The following KMT2C variants were observed in gnomAD, a reference collection of about 807,000 sequenced individuals.
KMT2C encodes histone-lysine N-methyltransferase 2C.
In KMT2C, 88 loss-of-function variants were observed where a neutral mutation model predicts 507.9. The ratio of observed to expected loss-of-function variants is 0.17; its 90% CI spans 0.15 to 0.21. KMT2C has a LOEUF of 0.21. KMT2C is among the 10% of genes least tolerant of loss of function. The pLI, the probability that KMT2C is intolerant of heterozygous loss-of-function variation, is 1.00. For synonymous variants in KMT2C, 2,049 were observed against 2,080.8 expected (o/e 0.98, Z 0.42); for missense variants, 4,954 against 5,957.8 (o/e 0.83, Z 5.55).
At chr7:152,388,102 A>T (rs571242534) in intron 1 of KMT2C, among the ~76,000 whole-genome samples, 2 of 148,268 alleles carry the variant, frequency 1.3e-5, no homozygotes, top group Admixed American at 1.3e-4. Context: ...TCTTCAAAAA[A>T]AAAAAATAAA....
At chr7:152,156,819 T>C (rs544181598) in intron 44 of KMT2C, among the ~76,000 whole-genome samples, 11 of 152,200 alleles carry the variant, frequency 7.2e-5, no homozygotes, top group African/African-American at 2.4e-4. Context: ...AGAATCTGGA[T>C]TGACTAAGAC....
chr7:152,268,294 A>G (rs1456191074), intron 7 of KMT2C, among the ~76,000 whole-genome samples: 3 of 152,086 alleles, frequency 2.0e-5, no homozygotes, highest in Non-Finnish European at 4.4e-5. Flanking sequence ...AAAACTCTGC[A>G]CATTATTTCC....
intron 6 of KMT2C, among the ~76,000 whole-genome samples, chr7:152,297,055 C>CAGAGAGAGAGAGAGAGAG (rs769381866): frequency 2.3e-4 from 19 of 84,402 alleles, no homozygotes; most frequent in South Asian, 4.5e-4. Flanking sequence ...GAAAGAAAGA[C>CAGAGAGAGAGAGAGAGAG]AGAGAGAGAG....
chr7:152,409,865 C>A (rs1368548435), intron 1 of KMT2C, among the ~76,000 whole-genome samples: 1 of 151,946 alleles, frequency 6.6e-6, no homozygotes, highest in Non-Finnish European at 1.5e-5. Flanking sequence ...ACCCCTCAAA[C>A]TTGCAATGCT....
chr7:152,280,299 T>G (rs1213216503), intron 6 of KMT2C, among the ~76,000 whole-genome samples: 1 of 151,990 alleles, frequency 6.6e-6, no homozygotes, highest in African/African-American at 2.4e-5. Flanking sequence ...TCCCAGCACT[T>G]TGGAAGGCCA....
chr7:152,186,966 A>G (rs1365769056), intron 33 of KMT2C, among the ~76,000 whole-genome samples: 1 of 152,208 alleles, frequency 6.6e-6, no homozygotes, highest in African/African-American at 2.4e-5. Context: ...TTTGGGTTCT[A>G]GAAATTTTTT....
chr7:152,367,328 C>T (rs1246430591), intron 1 of KMT2C: 15 of 902,490 alleles, frequency 1.7e-5, no homozygotes, highest in African/African-American at 3.3e-5. Context: ...CCTGCACCTT[C>T]GCAGAAGCCC....
At chr7:152,332,649 C>G (rs2096894621) in intron 2 of KMT2C, among the ~76,000 whole-genome samples, 1 of 152,090 alleles carries the variant, frequency 6.6e-6, no homozygotes, top group African/African-American at 2.4e-5. Flanking sequence ...AGTTCGAGAC[C>G]AGCCTGACCA....
rs372453186 is a variant in KMT2C, at chr7:152,199,315, T to A, written c.4237A>T (p.Ser1413Cys). 6 of 1,599,616 alleles carry A rather than the reference T, an allele frequency of 3.8e-6. No individual in the cohort carries two copies. The African/African-American group carries it at 5.4e-5, about 14-fold the overall frequency. ...GATTTTGTTGGAGCCGAGGATGAACTAAGTAGTGGATCTAAGGAAGGATCC... is the reference window on the plus strand; with the variant it reads ...GATTTTGTTGGAGCCGAGGATGAACAAAGTAGTGGATCTAAGGAAGGATCC... The part of the protein sequence containing the change: ...FLDPSLDPLL[S>C]SSSAPTKSGT... The change falls in exon 27 of 59, where the codon AGT becomes TGT. Residue 1413 changes from serine to cysteine, a missense_variant. Physicochemically the swap from Ser to Cys is moderately radical, Grantham distance 112. This residue lies in a region of KMT2C where 140 missense variants were observed against 118.4 expected (regional missense o/e 1.18). Transcript: ENST00000262189.
chr7:152,188,308 G>A (rs1315563944), intron 31 of KMT2C, among the ~76,000 whole-genome samples: 1 of 152,042 alleles, frequency 6.6e-6, no homozygotes, highest in Non-Finnish European at 1.5e-5. Flanking sequence ...AAAGCCCAGG[G>A]TGTGAACCTC....
chr7:152,266,609 T>A, intron 7 of KMT2C, among the ~76,000 whole-genome samples: 1 of 152,294 alleles, frequency 6.6e-6, no homozygotes. Context: ...GTTCTTTCTT[T>A]TCCAGTCAAG....
intron 2 of KMT2C, among the ~76,000 whole-genome samples, chr7:152,343,880 T>C (rs1252167524): frequency 6.6e-6 from 1 of 152,120 alleles, no homozygotes; most frequent in Non-Finnish European, 1.5e-5. Context: ...ATGACCTACC[T>C]TGCAAGAAAT....
intron 6 of KMT2C, among the ~76,000 whole-genome samples, chr7:152,278,490 A>G (rs1420565087): frequency 2.6e-5 from 4 of 152,272 alleles, no homozygotes; most frequent in African/African-American, 9.6e-5. Context: ...AGCAGATGCC[A>G]GCACCACACT....
chr7:152,359,174 G>A (rs898989701), intron 1 of KMT2C, among the ~76,000 whole-genome samples: 3 of 150,568 alleles, frequency 2.0e-5, no homozygotes, highest in African/African-American at 2.4e-5. Flanking sequence ...AATTAAGCAC[G>A]ATTATAATCA....
At chr7:152,257,165 T>C (rs921979426) in intron 9 of KMT2C, among the ~76,000 whole-genome samples, 1 of 152,206 alleles carries the variant, frequency 6.6e-6, no homozygotes, top group Non-Finnish European at 1.5e-5. Flanking sequence ...TGGAGTGCTA[T>C]GCAGCTGTTT....
At chr7:152,358,382 A>G (rs144467641) in intron 2 of KMT2C, among the ~76,000 whole-genome samples, 6 of 152,306 alleles carry the variant, frequency 3.9e-5, no homozygotes, top group African/African-American at 1.2e-4. Flanking sequence ...ATTATACTAA[A>G]CCAGGGCTTA....
Position 152,183,016 on chromosome 7 carries a change from C to T in KMT2C, c.5223G>A (p.Lys1741=), listed in dbSNP as rs2093484376. 1 of 1,608,904 alleles carries T rather than the reference C, an allele frequency of 6.2e-7. No homozygotes were observed. Among genetic ancestry groups the T allele is most frequent in the Non-Finnish European group, 8.5e-7 (1 of 1,178,552 alleles). ...IDSELFKDPL[K]QRESEHEQEW... ...CCTGTTCATGTTCTGATTCTCTTTGCTTTAAAGGATCTTTAAAAAGCTCCG... is the reference window on the plus strand; with the variant it reads ...CCTGTTCATGTTCTGATTCTCTTTGTTTTAAAGGATCTTTAAAAAGCTCCG... Residue 1741 remains lysine, a synonymous_variant, in exon 35 of 59, where the codon AAG becomes AAA. Transcript: ENST00000262189.
In KMT2C at chr7:152,154,320, G is replaced by A. The variant is rs2129098706; in HGVS notation, c.12086C>T (p.Pro4029Leu). 1 of 1,614,158 alleles carries A rather than the reference G, an allele frequency of 6.2e-7. No homozygotes were observed. Among genetic ancestry groups the A allele is most frequent in the Admixed American group, 1.7e-5 (1 of 60,022 alleles). Residue 4029 changes from proline (P) to leucine (L), a missense_variant, in exon 47 of 59, where the codon CCA becomes CTA. Coordinates refer to ENST00000262189, the MANE Select transcript of KMT2C (RefSeq NM_170606.3). ...PDLSLVKEEP[P>L]EPVPSPIIPI... is the part of the protein sequence containing the mutation. The stretch of plus-strand genomic sequence containing the variant: ...AATGATGGGGGACGGCACCGGTTCT[G>A]GAGGCTCCTCCTTGACCAATGACAG...
At chr7:152,169,053 T>A (rs2092849403) in intron 41 of KMT2C, 133 bp downstream of exon 41, 2 of 572,072 alleles carry the variant, frequency 3.5e-6, no homozygotes, top group Non-Finnish European at 6.3e-6. Flanking sequence ...AATAGGGCAG[T>A]GATGTTTAAT....
Sources: allele counts gnomAD v4.1 joint callset (sites outside exome capture counted in the v4.1 genomes callset), GRCh38; gene constraint gnomAD v4.1.1; regional missense constraint gnomAD v4.1.1; transcripts MANE v1.5; gene names NCBI Gene and HGNC (gene_info 2026-07-23, HGNC 2026-07-21).